Variants in MMS19 observed in about 807,000 individuals in gnomAD.
MMS19 encodes the protein MMS19 nucleotide excision repair protein homolog.
Under a neutral mutation model 129.8 loss-of-function variants are expected in MMS19, and 77 were observed. The observed-to-expected ratio is 0.59, with a 90% CI of 0.49 to 0.72. MMS19 has a LOEUF of 0.72. Ranked by LOEUF, MMS19 falls within the 30% of genes least tolerant of loss-of-function variation. The pLI is 0.00. For synonymous variants in MMS19, 491 were observed against 502.8 expected (o/e 0.98, Z 0.31); for missense variants, 1,168 against 1,266.3 (o/e 0.92, Z 1.18).
At chr10:97,470,001 G>C in intron 10 of MMS19, 128 bp downstream of exon 10, 1 of 721,896 alleles carries the variant, frequency 1.4e-6, no homozygotes, top group South Asian at 1.7e-5. Context: ...TCGACACAAA[G>C]GCCCAAATCC....
intron 6 of MMS19, 118 bp downstream of exon 6, chr10:97,477,229 C>T: frequency 6.4e-7 from 1 of 1,554,124 alleles, no homozygotes; most frequent in Non-Finnish European, 8.7e-7. Context: ...TTCCCTTTAT[C>T]ATTCTCTCTC....
At chr10:97,472,471 C>A (rs1279918630) in intron 8 of MMS19, among the ~76,000 whole-genome samples, 2 of 152,216 alleles carry the variant, frequency 1.3e-5, no homozygotes, top group African/African-American at 4.8e-5. Flanking sequence ...AACTCCTGAC[C>A]TCAGGTGATC....
intron 1 of MMS19, among the ~76,000 whole-genome samples, chr10:97,492,558 G>A (rs2039090738): frequency 6.6e-6 from 1 of 151,346 alleles, no homozygotes; most frequent in Non-Finnish European, 1.5e-5. Context: ...AAAAAGTAAG[G>A]AAGATGGTGG....
chr10:97,476,869 G>C lies in MMS19; in HGVS notation c.588C>G (p.Ile196Met), dbSNP rs771167618. The change falls in exon 7 of 31, where the codon ATC (isoleucine) becomes ATG (methionine). Residue 196 changes from isoleucine to methionine, a missense_variant. Ile to Met is a conservative substitution (Grantham distance 10). Around this residue, in one of 3 missense-constraint regions of MMS19, gnomAD observed 329 missense variants for 328.6 expected, o/e 1.00. Transcript: ENST00000438925. ...AGTCCCTGGAGATGAGGTCATGGAC[G>C]ATGCGGAAGGCCACCAGAAGATTAC... ...DPRNLLVAFR[I>M]VHDLISRDYS... The C allele has an allele frequency of 1.2e-6, 2 of 1,613,988 alleles. No homozygotes were observed. The highest frequency in any genetic ancestry group is 1.7e-6 in the Non-Finnish European group (2 of 1,179,886).
Position 97,459,270 on chromosome 10 carries a change from C to T in MMS19, c.2917G>A (p.Ala973Thr), listed in dbSNP as rs372808832. Residue 973 changes from alanine (A) to threonine (T), a missense_variant, in exon 29 of 31, where the codon GCC becomes ACC. Coordinates refer to ENST00000438925, the MANE Select transcript of MMS19 (RefSeq NM_022362.5). The part of the protein sequence containing the change: ...SSSPSMAVRI[A>T]ALQCMHALTR... ...AGAGCATGCATGCACTGCAGTGCGG[C>T]GATCCGGACAGCCTGGAACACAACC... is the stretch of plus-strand genomic sequence containing the variant. 3.8e-5 allele frequency: 62 copies of T among 1,612,942 alleles called. No homozygotes were observed. The African/African-American group carries it at 5.5e-4, about 14-fold the overall frequency.
intron 1 of MMS19, among the ~76,000 whole-genome samples, chr10:97,495,321 G>A (rs1402066674): frequency 6.6e-6 from 1 of 152,144 alleles, no homozygotes; most frequent in Admixed American, 6.5e-5. Context: ...CCCTCCCATC[G>A]CCTGCAGCTT....
rs1002602658 is a variant in MMS19, at chr10:97,459,051, C to G, written c.2965-151G>C. Among the ~76,000 whole-genome samples, 8 of 152,054 alleles carry G rather than the reference C, an allele frequency of 5.3e-5. No homozygotes were observed. The South Asian group carries it at 1.2e-3, about 24-fold the overall frequency. Reference sequence around the variant, plus strand: ...AGTGGCAGGATGGCCTTTCTGTTACCTTCTGGGCCCAAGGAAAAGAATCCT... The same window carrying G: ...AGTGGCAGGATGGCCTTTCTGTTACGTTCTGGGCCCAAGGAAAAGAATCCT... On this transcript the variant is annotated intron_variant, in intron 29 of 30. Coordinates refer to ENST00000438925, the MANE Select transcript of MMS19 (RefSeq NM_022362.5).
chr10:97,487,982 G>A (rs1270241015), intron 1 of MMS19, among the ~76,000 whole-genome samples: 1 of 152,090 alleles, frequency 6.6e-6, no homozygotes, highest in Non-Finnish European at 1.5e-5. Flanking sequence ...CCAGCTACTC[G>A]GGAGGCTGAG....
rs756645131 is a variant in MMS19, at chr10:97,498,356, G to A, written c.29C>T (p.Ala10Val). 9.5e-6 allele frequency: 15 copies of A among 1,571,224 alleles called. No individual in the cohort carries two copies. The highest frequency in any genetic ancestry group is 1.8e-5 in the Admixed American group (1 of 55,664). The change falls in exon 1 of 31, where the codon GCG (alanine) becomes GTG (valine). Residue 10 changes from alanine (A) to valine (V), a missense_variant. Around this residue, in one of 3 missense-constraint regions of MMS19, gnomAD observed 329 missense variants for 328.6 expected, o/e 1.00. Transcript: ENST00000438925. ...GCCCCATAGGGCACCCATAGGCGCC[G>A]CCGCCTCCACAGCCGCGGCAGCGGC... MAAAAAVEA[A>V]APMGALWGLV...
chr10:97,498,532 C>G (rs2040240552), upstream of MMS19: 3 of 1,133,666 alleles, frequency 2.6e-6, no homozygotes, highest in Admixed American at 3.1e-5. Flanking sequence ...TAGGCAGTTC[C>G]AGGGAGGGGC....
chr10:97,470,374 C>A (rs548553679), intron 9 of MMS19, among the ~76,000 whole-genome samples, 171 bp from the exon 10 acceptor site: 1 of 152,316 alleles, frequency 6.6e-6, no homozygotes, highest in African/African-American at 2.4e-5. Flanking sequence ...GTGACCAGAG[C>A]CCCACTACCT....
chr10:97,489,366 T>G (rs2135528029), intron 1 of MMS19, among the ~76,000 whole-genome samples: 1 of 152,324 alleles, frequency 6.6e-6, no homozygotes, highest in Non-Finnish European at 1.5e-5. Flanking sequence ...AAATGCATAG[T>G]TAAGGGTTGA....
chr10:97,464,323 A>G (rs906575350), intron 18 of MMS19, among the ~76,000 whole-genome samples: 1 of 152,214 alleles, frequency 6.6e-6, no homozygotes, highest in Non-Finnish European at 1.5e-5. Context: ...AATGAAATAC[A>G]TGATCAGTGG....
intron 2 of MMS19, among the ~76,000 whole-genome samples, chr10:97,482,728 G>GTATATA (rs368625323): frequency 1.5e-5 from 2 of 133,338 alleles, no homozygotes; most frequent in African/African-American, 5.6e-5. Context: ...GTGTGTGTGT[G>GTATATA]TATATATATA....
intron 1 of MMS19, among the ~76,000 whole-genome samples, chr10:97,486,156 A>C (rs1001989553): frequency 5.3e-5 from 8 of 152,196 alleles, no homozygotes; most frequent in African/African-American, 1.9e-4. Context: ...TATAAGAAAG[A>C]AAGAAATCTT....
At chr10:97,466,472 G>T (rs1335720899) in intron 16 of MMS19, 32 bp downstream of exon 16, 1 of 1,527,702 alleles carries the variant, frequency 6.5e-7, no homozygotes, top group South Asian at 1.1e-5. Flanking sequence ...GCAGGGAACA[G>T]CTTGCTCTAT....
intron 1 of MMS19, among the ~76,000 whole-genome samples, chr10:97,488,900 T>TTA (rs1226741601): frequency 1.3e-5 from 2 of 152,238 alleles, no homozygotes. Flanking sequence ...GTTAAATGAA[T>TTA]TATAGTACAT....
At chr10:97,480,194 C>G (rs1043517072) in intron 3 of MMS19, 1 of 446,390 alleles carries the variant, frequency 2.2e-6, no homozygotes, top group Admixed American at 2.6e-5. Context: ...ATCCCCCGAG[C>G]CCTATGCAAA....
intron 10 of MMS19, 75 bp from the exon 11 acceptor site, chr10:97,469,798 G>A: frequency 8.0e-7 from 1 of 1,251,774 alleles, no homozygotes; most frequent in Non-Finnish European, 1.2e-6. Context: ...TCAGCATAAT[G>A]GCACCTGAAG....
Sources: gnomAD v4.1 joint callset for allele counts (sites outside exome capture counted in the v4.1 genomes callset) on GRCh38, gnomAD v4.1.1 for gene constraint, gnomAD v4.1.1 regional missense constraint, MANE v1.5 for transcripts, NCBI Gene and HGNC (gene_info 2026-07-23, HGNC 2026-07-21) for gene names.